CAPZB: variants seen among roughly 807,000 people sequenced by gnomAD.
The protein encoded by CAPZB is capping actin protein of muscle Z-line subunit beta.
CAPZB carries 2 observed loss-of-function variants against 38.1 expected under a neutral mutation model. The observed-to-expected ratio is 0.05, with a 90% confidence interval of 0.02 to 0.17. The LOEUF (loss-of-function observed/expected upper bound fraction) is 0.17. Among genes scored for constraint, CAPZB ranks in the 10% least tolerant of loss-of-function variants. The probability of loss-of-function intolerance (pLI) is 1.00; values close to 1 mark genes in which losing one functional copy is unlikely to be tolerated. For missense variants in CAPZB, 161 were observed against 334.2 expected (o/e 0.48, Z 4.04); for synonymous variants, 107 against 127.4 (o/e 0.84, Z 1.08).
At position 19,344,262 on chromosome 1, in the gene CAPZB, G is replaced by A. The variant is rs1355884764; in HGVS notation, c.731+96C>T. 2.0e-5 allele frequency: 19 copies of A among 932,492 alleles called. No individual in the cohort carries two copies. In the South Asian group the frequency reaches 2.4e-4, roughly 12 times the overall value. The allele number at this position is 932,492 out of a possible 1,614,324, so 57.8% of individuals were successfully genotyped here. A position where few individuals can be genotyped will look rare whatever the true frequency, so the allele number is the denominator to read the frequency against. Reference sequence around the variant, plus strand: ...AGGGGCACTGCAGCCTACCAATGAGGACACCGAGGCCCAAGACCACACAGC... The same window carrying A: ...AGGGGCACTGCAGCCTACCAATGAGAACACCGAGGCCCAAGACCACACAGC... On this transcript the variant is annotated intron_variant, in intron 8 of 8. Coordinates refer to ENST00000264202, the MANE Select transcript of CAPZB (RefSeq NM_004930.5).
chr1:19,361,088 T>C (rs548825890), intron 4 of CAPZB, among the ~76,000 whole-genome samples: 92 of 152,254 alleles, frequency 6.0e-4, no homozygotes, highest in African/African-American at 2.2e-3. Context: ...ACAGAATCAT[T>C]AGCATTTTTC....
chr1:19,452,045 C>A (rs2094517934), intron 1 of CAPZB, among the ~76,000 whole-genome samples: 1 of 152,134 alleles, frequency 6.6e-6, no homozygotes, highest in Non-Finnish European at 1.5e-5. Flanking sequence ...CCTGCCCCAA[C>A]CCATCCTCTC....
intron 2 of CAPZB, among the ~76,000 whole-genome samples, chr1:19,395,061 G>T (rs2094259143): frequency 6.6e-6 from 1 of 152,088 alleles, no homozygotes; most frequent in Admixed American, 6.5e-5. Context: ...CACATTTAGG[G>T]TCAGCCAGCC....
At chr1:19,420,609 G>C (rs12027702) in intron 1 of CAPZB, among the ~76,000 whole-genome samples, 10 of 150,194 alleles carry the variant, frequency 6.7e-5, no homozygotes, top group Non-Finnish European at 8.9e-5. Flanking sequence ...TGGGGGGGAG[G>C]GGGGGAACAT....
At chr1:19,462,933 C>T (rs2094556806) in intron 1 of CAPZB, among the ~76,000 whole-genome samples, 1 of 152,220 alleles carries the variant, frequency 6.6e-6, no homozygotes, top group Admixed American at 6.5e-5. Context: ...TGCTCAAGAG[C>T]TGTATGTGGA....
At chr1:19,429,619 A>G (rs2094435737) in intron 1 of CAPZB, among the ~76,000 whole-genome samples, 1 of 152,148 alleles carries the variant, frequency 6.6e-6, no homozygotes, top group African/African-American at 2.4e-5. Context: ...CATCCTCCAT[A>G]AAGGGTAGGA....
At chr1:19,341,904 G>A (rs914745790) in intron 8 of CAPZB, among the ~76,000 whole-genome samples, 3 of 152,190 alleles carry the variant, frequency 2.0e-5, no homozygotes, top group African/African-American at 7.2e-5. Flanking sequence ...TTCTGGGGTG[G>A]GCCTTCAGTG....
chr1:19,397,576 C>G (rs1011427594), intron 2 of CAPZB, among the ~76,000 whole-genome samples: 1 of 152,158 alleles, frequency 6.6e-6, no homozygotes, highest in African/African-American at 2.4e-5. Context: ...AAGTACTTGG[C>G]AAGATTGGTT....
At chr1:19,400,470 C>T (rs758447788) in intron 2 of CAPZB, among the ~76,000 whole-genome samples, 1 of 152,272 alleles carries the variant, frequency 6.6e-6, no homozygotes, top group East Asian at 1.9e-4. Context: ...CTAAGGGGGG[C>T]GACCCAGGAA....
At chr1:19,432,779 A>T (rs112074871) in intron 1 of CAPZB, among the ~76,000 whole-genome samples, 1 of 152,354 alleles carries the variant, frequency 6.6e-6, no homozygotes, top group Middle Eastern at 3.4e-3. Flanking sequence ...CCCATGCCCA[A>T]ACATTCTCCA....
chr1:19,399,898 T>C (rs1428370337), intron 2 of CAPZB, among the ~76,000 whole-genome samples: 1 of 152,166 alleles, frequency 6.6e-6, no homozygotes, highest in Non-Finnish European at 1.5e-5. Context: ...AAACCTTTAC[T>C]AAGCAAGGTA....
chr1:19,366,311 A>ATATATATATATATATAT lies in CAPZB; in HGVS notation c.330-8749_330-8748insATATATATATATATATA, dbSNP rs1558189927. Among the ~76,000 whole-genome samples the ATATATATATATATATAT allele has an allele frequency of 3.1e-3, 197 of 63,104 alleles. 8 individuals carry two copies. The highest frequency in any genetic ancestry group is 8.3e-3 in the African/African-American group (128 of 15,358). 41.4% of individuals were successfully genotyped at this position (63,104 alleles called of 152,430 possible). On this transcript the variant is annotated intron_variant, in intron 4 of 8. Transcript: ENST00000264202. ...ATATATATATATATATATATATATA[A>ATATATATATATATATAT]ATAAAATAAATGGTCATGAGGGACA...
intron 1 of CAPZB, among the ~76,000 whole-genome samples, chr1:19,436,998 TG>T (rs1488456504): frequency 4.6e-5 from 7 of 152,356 alleles, no homozygotes; most frequent in Admixed American, 3.9e-4. Flanking sequence ...CAAGGAGGGC[TG>T]GATTAGGCTC....
intron 1 of CAPZB, among the ~76,000 whole-genome samples, chr1:19,441,311 G>A (rs760180540): frequency 1.3e-5 from 2 of 152,144 alleles, no homozygotes; most frequent in African/African-American, 4.8e-5. Flanking sequence ...ACAGGAGTCC[G>A]TTTGCTTGGG....
Position 19,348,449 on chromosome 1 carries a change from C to T in CAPZB, c.589-3197G>A, listed in dbSNP as rs566717575. ...CATCTGCTTAAAAGGTCTGAACACC[C>T]TGACACCAAGAAATGGGAGAGAACT... On this transcript the variant is annotated intron_variant, in intron 6 of 8. Coordinates refer to ENST00000264202, the MANE Select transcript of CAPZB (RefSeq NM_004930.5). 7.2e-5 allele frequency among the ~76,000 whole-genome samples: 11 copies of T among 152,192 alleles called. 1 individual carries two copies. In the South Asian group the frequency reaches 2.3e-3, roughly 32 times the overall value.
In CAPZB at chr1:19,469,741, TACACACACACACACACAC is replaced by T. The variant is rs60330360; in HGVS notation, c.3+15677_3+15694del. On this transcript the variant is annotated intron_variant, in intron 1 of 8. Coordinates refer to ENST00000264202, the MANE Select transcript of CAPZB (RefSeq NM_004930.5). ...AAGATACTCAAAAGGAGGAAAAGAA[TACACACACACACACACAC>T]ACACACACACACACACACACACACA... Among the ~76,000 whole-genome samples the T allele has an allele frequency of 0.012, 1,611 of 136,718 alleles. 76 individuals are homozygous for T. The East Asian group carries it at 0.15, about 13-fold the overall frequency. 89.7% of individuals were successfully genotyped at this position (136,718 alleles called of 152,430 possible).
chr1:19,432,073 A>G (rs2094444334), intron 1 of CAPZB, among the ~76,000 whole-genome samples: 1 of 151,640 alleles, frequency 6.6e-6, no homozygotes, highest in African/African-American at 2.4e-5. Context: ...AAAGAAAAAA[A>G]AAGAAAATAC....
At chr1:19,339,946 T>C (rs1410744429) in intron 8 of CAPZB, among the ~76,000 whole-genome samples, 1 of 152,218 alleles carries the variant, frequency 6.6e-6, no homozygotes, top group East Asian at 1.9e-4. Flanking sequence ...TAGGTCCCTA[T>C]GTCACCCTAA....
chr1:19,368,518 T>C (rs982228911), intron 4 of CAPZB, among the ~76,000 whole-genome samples: 1 of 126,074 alleles, frequency 7.9e-6, no homozygotes, highest in South Asian at 2.5e-4. Context: ...AAAAAAACGG[T>C]GGAGAGAGTC....
Sources: gnomAD v4.1 joint callset for allele counts (sites outside exome capture counted in the v4.1 genomes callset) on GRCh38, gnomAD v4.1.1 for gene constraint, MANE v1.5 for transcripts, NCBI Gene and HGNC (gene_info 2026-07-23, HGNC 2026-07-21) for gene names.